AFAP1: variants seen among roughly 807,000 people sequenced by gnomAD.
AFAP1 encodes actin filament-associated protein 1.
In AFAP1, 75 loss-of-function variants were observed where a neutral mutation model predicts 93.9. That is an observed-to-expected ratio of 0.80 (90% CI 0.66 to 0.97). The LOEUF (loss-of-function observed/expected upper bound fraction) is 0.97, where lower values mean the gene tolerates loss of function less well. Among genes scored for constraint, AFAP1 ranks in the 50% least tolerant of loss-of-function variants. The pLI is 0.00. For missense variants in AFAP1, 1,201 were observed against 1,050.8 expected (o/e 1.14, Z -1.98); for synonymous variants, 517 against 430.7 (o/e 1.20, Z -2.48).
At chr4:7,838,331 T>G (rs1250174367) in intron 6 of AFAP1, among the ~76,000 whole-genome samples, 193 bp downstream of exon 6, 2 of 152,232 alleles carry the variant, frequency 1.3e-5, no homozygotes, top group Non-Finnish European at 2.9e-5. Context: ...CTTTTAAAGA[T>G]AAGAGTGAAA....
At chr4:7,860,717 G>A (rs1715578311) in intron 3 of AFAP1, among the ~76,000 whole-genome samples, 1 of 152,204 alleles carries the variant, frequency 6.6e-6, no homozygotes, top group African/African-American at 2.4e-5. Flanking sequence ...TGCTCCTGCA[G>A]CCTCAGCACC....
At chr4:7,812,882 C>G (rs1025688286) in intron 8 of AFAP1, among the ~76,000 whole-genome samples, 1 of 152,166 alleles carries the variant, frequency 6.6e-6, no homozygotes, top group South Asian at 2.1e-4. Context: ...CCAACAGACA[C>G]ATTCACAAAT....
Position 7,812,184 on chromosome 4 carries a change from C to T in AFAP1, c.905-2421G>A, listed in dbSNP as rs114324464. Among the ~76,000 whole-genome samples the T allele has an allele frequency of 8.4e-3, 1,277 of 152,234 alleles. 20 individuals carry two copies. The highest frequency in any genetic ancestry group is 0.029 in the African/African-American group (1,207 of 41,538). On this transcript the variant is annotated intron_variant, in intron 8 of 17. Transcript: ENST00000420658. ...CCAGAGGAGGATGTTTCACCACAGC[C>T]GCATTCCCGTGAGCTTTACAAAGAA...
At chr4:7,817,755 A>G (rs1720609175) in intron 7 of AFAP1, among the ~76,000 whole-genome samples, 1 of 121,502 alleles carries the variant, frequency 8.2e-6, no homozygotes, top group Non-Finnish European at 1.7e-5. Flanking sequence ...CTAATAATAT[A>G]AAGGTTAAGT....
At chr4:7,873,272 A>C (rs1285602429) in intron 1 of AFAP1, among the ~76,000 whole-genome samples, 3 of 136,442 alleles carry the variant, frequency 2.2e-5, no homozygotes, top group Non-Finnish European at 3.1e-5. Flanking sequence ...CCCCACTTTC[A>C]CTTAGGAGTG....
At chr4:7,924,987 C>T (rs1560239143) in intron 1 of AFAP1, among the ~76,000 whole-genome samples, 1 of 152,140 alleles carries the variant, frequency 6.6e-6, no homozygotes, top group Non-Finnish European at 1.5e-5. Context: ...CCAGCCCCCA[C>T]AACAGCCTCC....
rs1444305648 is a variant in AFAP1, at chr4:7,939,727, C to G, written c.-74G>C. On this transcript the variant is annotated 5_prime_UTR_variant, in exon 1 of 18. Coordinates refer to ENST00000420658, the MANE Select transcript of AFAP1 (RefSeq NM_001134647.2). The surrounding 1 kb of genome is among the most constrained non-coding windows in gnomAD (Gnocchi z 5.6). ...GCCGACTGGAGCGCAGCTGAACAGCCGACAGAGCCGCAGCCGCCTTAACAA... is the reference window on the plus strand; with the variant it reads ...GCCGACTGGAGCGCAGCTGAACAGCGGACAGAGCCGCAGCCGCCTTAACAA... The G allele has an allele frequency of 9.7e-6, 4 of 412,570 alleles. 1 individual carries two copies. Among genetic ancestry groups the G allele is most frequent in the South Asian group, 5.0e-5 (3 of 60,380 alleles). 25.6% of individuals were successfully genotyped at this position (412,570 alleles called of 1,614,324 possible).
At chr4:7,898,881 G>A (rs1718951875) in intron 1 of AFAP1, among the ~76,000 whole-genome samples, 1 of 146,058 alleles carries the variant, frequency 6.8e-6, no homozygotes, top group Non-Finnish European at 1.5e-5. Flanking sequence ...TGTGTGTGGT[G>A]TGTGTATATA....
intron 3 of AFAP1, among the ~76,000 whole-genome samples, chr4:7,864,350 G>C (rs553373314): frequency 6.6e-6 from 1 of 152,110 alleles, no homozygotes; most frequent in African/African-American, 2.4e-5. Context: ...TACCAGTCCC[G>C]TCCTGACCCC....
intron 1 of AFAP1, among the ~76,000 whole-genome samples, chr4:7,884,920 C>T (rs1220112327): frequency 1.3e-5 from 2 of 152,188 alleles, no homozygotes; most frequent in African/African-American, 4.8e-5. Context: ...CTCATACACA[C>T]GGTGCATTCC....
chr4:7,856,891 A>G lies in AFAP1; in HGVS notation c.226-1317T>C, dbSNP rs1458004267. The stretch of plus-strand genomic sequence containing the variant: ...GCACTTGCCACATGAACGTCAATCA[A>G]TCCATGCAGGAATCCTTCAGGGCAT... On this transcript the variant is annotated intron_variant, in intron 3 of 17. Transcript: ENST00000420658. Among the ~76,000 whole-genome samples the G allele has an allele frequency of 5.9e-5, 9 of 152,160 alleles. No individual in the cohort carries two copies. In the East Asian group the frequency reaches 1.7e-3, roughly 29 times the overall value.
rs117008004 is a variant in AFAP1 at position 7,788,277 on chromosome 4, G to T, written c.1413-1966C>A. ...GATCACCAGATGAAGAAAACACAGC[G>T]TAAGTGAAAACCGGGGAGAGAAACA... On this transcript the variant is annotated intron_variant, in intron 11 of 17. Transcript: ENST00000420658. Among the ~76,000 whole-genome samples the T allele has an allele frequency of 5.9e-5, 9 of 152,332 alleles. No individual in the cohort carries two copies. The East Asian group carries it at 1.5e-3, about 26-fold the overall frequency.
chr4:7,764,322 C>A (rs1433377538), intron 17 of AFAP1, among the ~76,000 whole-genome samples: 3 of 151,844 alleles, frequency 2.0e-5, no homozygotes, highest in Non-Finnish European at 4.4e-5. Flanking sequence ...AGGAGGATGG[C>A]GTGAGGCTAG....
chr4:7,869,834 G>C (rs770337068), intron 2 of AFAP1, among the ~76,000 whole-genome samples: 31 of 110,836 alleles, frequency 2.8e-4, no homozygotes, highest in Non-Finnish European at 5.2e-4. Context: ...AGCAAGAAAG[G>C]AAAAGGATAA....
intron 6 of AFAP1, among the ~76,000 whole-genome samples, chr4:7,827,049 AAAAG>A (rs962653683): frequency 2.6e-5 from 4 of 152,202 alleles, no homozygotes; most frequent in Admixed American, 6.5e-5. Flanking sequence ...AACGATTTAA[AAAAG>A]AAAGAAAGAA....
intron 6 of AFAP1, among the ~76,000 whole-genome samples, chr4:7,822,585 T>TC (rs1172269547): frequency 3.0e-5 from 3 of 98,424 alleles, no homozygotes; most frequent in African/African-American, 8.3e-5. Context: ...TTTTCTTTTT[T>TC]CTTTTTTTTT....
At chr4:7,862,691 C>G (rs1468962666) in intron 3 of AFAP1, among the ~76,000 whole-genome samples, 1 of 152,090 alleles carries the variant, frequency 6.6e-6, no homozygotes, top group Non-Finnish European at 1.5e-5. Flanking sequence ...CCTAAAATAC[C>G]AGCGAATTAA....
chr4:7,817,329 A>G (rs113675615), intron 7 of AFAP1, among the ~76,000 whole-genome samples: 42 of 152,324 alleles, frequency 2.8e-4, no homozygotes, highest in Admixed American at 1.0e-3. Flanking sequence ...CAGGACAGGT[A>G]CGGTGGCTCA....
intron 10 of AFAP1, among the ~76,000 whole-genome samples, chr4:7,797,571 T>C (rs149617144): frequency 6.6e-6 from 1 of 152,286 alleles, no homozygotes; most frequent in East Asian, 1.9e-4. Context: ...GTCTCCTTCC[T>C]AAGTGTCAAT....
Sources: gnomAD v4.1 joint callset for allele counts (sites outside exome capture counted in the v4.1 genomes callset) on GRCh38, gnomAD v4.1.1 for gene constraint, Gnocchi (gnomAD v3.1) non-coding constraint, MANE v1.5 for transcripts, NCBI Gene and HGNC (gene_info 2026-07-23, HGNC 2026-07-21) for gene names.